THSD7B: variants seen among roughly 807,000 people sequenced by gnomAD.
The protein encoded by THSD7B is thrombospondin type 1 domain containing 7B, also known as thrombospondin type-1 domain-containing protein 7B.
A neutral mutation model predicts 213.6 loss-of-function variants in THSD7B; 138 were observed. The ratio of observed to expected loss-of-function variants is 0.65; its 90% confidence interval spans 0.56 to 0.74. The LOEUF is 0.74. Among genes scored for constraint, THSD7B ranks in the 30% least tolerant of loss-of-function variants. THSD7B has a pLI of 0.00. For missense variants in THSD7B, 1,931 were observed against 1,991.5 expected (o/e 0.97, Z 0.58); for synonymous variants, 742 against 687.0 (o/e 1.08, Z -1.25).
At position 137,546,376 on chromosome 2, in the gene THSD7B, AATATATATAT is replaced by A. The variant is rs1558834190; in HGVS notation, c.3139-16844_3139-16835del. On this transcript the variant is annotated intron_variant, in intron 15 of 27. Coordinates refer to ENST00000409968, the MANE Select transcript of THSD7B (RefSeq NM_001316349.2). Reference sequence around the variant, plus strand: ...ATATATATATATTATATATATATATAATATATATATTATATATATTATATATATTATATAT... The same window carrying A: ...ATATATATATATTATATATATATATATATATATATTATATATATTATATAT... 1.1e-4 allele frequency among the ~76,000 whole-genome samples: 5 copies of A among 44,366 alleles called. 1 individual carries two copies. Among genetic ancestry groups the A allele is most frequent in the African/African-American group, 5.3e-4 (5 of 9,462 alleles). The allele number at this position is 44,366 out of a possible 152,430, so 29.1% of individuals were successfully genotyped here.
rs1264862979 is a variant in THSD7B, at chr2:137,614,835, T to A, written c.3424-1340T>A. ...AATTTGTGGCATGCTTTTTGCATAT[T>A]TTAGTGCAATCCAACATAATAATTT... On this transcript the variant is annotated intron_variant, in intron 17 of 27. Coordinates refer to ENST00000409968, the MANE Select transcript of THSD7B (RefSeq NM_001316349.2). Among the ~76,000 whole-genome samples the A allele has an allele frequency of 3.3e-5, 5 of 152,302 alleles. No homozygotes were observed. The East Asian group carries it at 9.6e-4, about 29-fold the overall frequency.
intron 17 of THSD7B, among the ~76,000 whole-genome samples, chr2:137,612,135 A>C (rs937753975): frequency 3.3e-5 from 5 of 152,204 alleles, no homozygotes; most frequent in African/African-American, 1.2e-4. Context: ...TTGAAACATA[A>C]AAATTTGAAA....
intron 2 of THSD7B, among the ~76,000 whole-genome samples, chr2:136,895,521 T>TTC (rs1470321555): frequency 7.2e-6 from 1 of 138,796 alleles, no homozygotes; most frequent in Admixed American, 7.0e-5. Flanking sequence ...AGACTTTTTT[T>TTC]TTTTTTTTTT....
chr2:137,184,491 C>G (rs1353470249), intron 7 of THSD7B, among the ~76,000 whole-genome samples: 1 of 152,134 alleles, frequency 6.6e-6, no homozygotes, highest in Non-Finnish European at 1.5e-5. Flanking sequence ...GTCTGAGCTC[C>G]TGAATCCTAG....
intron 15 of THSD7B, among the ~76,000 whole-genome samples, chr2:137,481,913 C>T (rs1688316466): frequency 2.0e-5 from 3 of 152,178 alleles, no homozygotes; most frequent in African/African-American, 4.8e-5. Context: ...CGCAGTGGCT[C>T]ACACCTGTAA....
At chr2:137,635,288 A>G (rs1454742108) in intron 20 of THSD7B, among the ~76,000 whole-genome samples, 1 of 152,242 alleles carries the variant, frequency 6.6e-6, no homozygotes, top group East Asian at 1.9e-4. Flanking sequence ...TATTGTCCAT[A>G]TTTATGATTG....
intron 5 of THSD7B, among the ~76,000 whole-genome samples, chr2:137,130,171 G>T (rs926774498): frequency 2.0e-5 from 3 of 152,154 alleles, no homozygotes; most frequent in African/African-American, 7.2e-5. Context: ...ACAATACCCA[G>T]ATGAAGTGGA....
At chr2:137,640,575 G>A (rs1682920723) in intron 20 of THSD7B, among the ~76,000 whole-genome samples, 1 of 152,080 alleles carries the variant, frequency 6.6e-6, no homozygotes, top group Admixed American at 6.6e-5. Context: ...AACCTACTTT[G>A]TTTGTTTGTT....
intron 14 of THSD7B, among the ~76,000 whole-genome samples, chr2:137,437,936 T>A (rs541942719): frequency 2.4e-4 from 37 of 152,276 alleles, no homozygotes; most frequent in African/African-American, 7.7e-4. Context: ...GGAGAAAACA[T>A]CATTTTGGGG....
At chr2:137,240,579 T>C (rs1195793530) in intron 9 of THSD7B, among the ~76,000 whole-genome samples, 1 of 152,064 alleles carries the variant, frequency 6.6e-6, no homozygotes, top group Non-Finnish European at 1.5e-5. Context: ...GGTATGATCA[T>C]AGCTTACTGC....
intron 2 of THSD7B, among the ~76,000 whole-genome samples, chr2:137,047,365 C>A (rs1385383865): frequency 6.6e-6 from 1 of 152,194 alleles, no homozygotes; most frequent in South Asian, 2.1e-4. Flanking sequence ...CGATAGAAAA[C>A]AATATTGTGA....
intron 1 of THSD7B, among the ~76,000 whole-genome samples, chr2:136,805,606 T>G (rs193097086): frequency 6.6e-6 from 1 of 152,158 alleles, no homozygotes; most frequent in East Asian, 2.0e-4. Flanking sequence ...CTCTCATTTA[T>G]CCCGCTGTGA....
At chr2:137,653,688 C>A (rs896429658) in intron 21 of THSD7B, among the ~76,000 whole-genome samples, 5 of 150,698 alleles carry the variant, frequency 3.3e-5, no homozygotes, top group African/African-American at 1.2e-4. Context: ...CTTTTCTCTG[C>A]TTGATCCATT....
intron 1 of THSD7B, among the ~76,000 whole-genome samples, chr2:136,840,856 T>C (rs556393226): frequency 1.6e-4 from 25 of 152,072 alleles, no homozygotes; most frequent in Middle Eastern, 3.4e-3. Context: ...ATGCAGTAAG[T>C]AGAGTGACAG....
chr2:137,223,890 A>G (rs1022868301), intron 7 of THSD7B, among the ~76,000 whole-genome samples: 5 of 152,120 alleles, frequency 3.3e-5, no homozygotes, highest in Non-Finnish European at 1.5e-5. Flanking sequence ...AAAAGTGTGC[A>G]GTATCCTCCC....
chr2:136,938,545 T>G (rs1173418010), intron 2 of THSD7B, among the ~76,000 whole-genome samples: 1 of 152,236 alleles, frequency 6.6e-6, no homozygotes, highest in African/African-American at 2.4e-5. Flanking sequence ...GCCTGGCTTT[T>G]TTTCAGATGC....
intron 3 of THSD7B, among the ~76,000 whole-genome samples, chr2:137,093,748 TTA>T (rs1687992353): frequency 6.6e-6 from 1 of 151,790 alleles, no homozygotes; most frequent in African/African-American, 2.4e-5. Flanking sequence ...CATTATCACA[TTA>T]TCTTTTTTTT....
chr2:137,625,869 GAC>G (rs1156645198), intron 20 of THSD7B, among the ~76,000 whole-genome samples: 1 of 152,222 alleles, frequency 6.6e-6, no homozygotes, highest in Non-Finnish European at 1.5e-5. Context: ...CAAGCTTTCT[GAC>G]ACATCCTCTG....
intron 20 of THSD7B, among the ~76,000 whole-genome samples, chr2:137,628,691 T>A (rs1414513877): frequency 1.3e-5 from 2 of 152,170 alleles, no homozygotes; most frequent in Admixed American, 1.3e-4. Flanking sequence ...TTTGTTTCTC[T>A]CAGTAATAAA....
Sources: gnomAD v4.1 joint callset for allele counts (sites outside exome capture counted in the v4.1 genomes callset) on GRCh38, gnomAD v4.1.1 for gene constraint, MANE v1.5 for transcripts, NCBI Gene and HGNC (gene_info 2026-07-23, HGNC 2026-07-21) for gene names.